Variants in MALRD1 observed in about 807,000 individuals in gnomAD.
MALRD1 encodes the protein MAM and LDL-receptor class A domain-containing protein 1.
In MALRD1, 247 loss-of-function variants were observed where a neutral mutation model predicts 242.1. That is an observed-to-expected ratio of 1.02 (90% CI 0.92 to 1.13). MALRD1 has a LOEUF of 1.13. Among genes scored for constraint, MALRD1 ranks in the 50% most tolerant of loss-of-function variants. The pLI is 0.00. For missense variants in MALRD1, 2,989 were observed against 2,533.1 expected (o/e 1.18, Z -3.86); for synonymous variants, 995 against 866.6 (o/e 1.15, Z -2.60).
chr10:19,290,814 A>G (rs950198051), intron 21 of MALRD1, among the ~76,000 whole-genome samples: 1 of 152,168 alleles, frequency 6.6e-6, no homozygotes, highest in African/African-American at 2.4e-5. Context: ...TATAGTTCAC[A>G]TTTAAATATA....
chr10:19,582,139 T>C (rs2131511169), intron 33 of MALRD1, among the ~76,000 whole-genome samples: 1 of 152,112 alleles, frequency 6.6e-6, no homozygotes, highest in Admixed American at 6.5e-5. Flanking sequence ...GTCAGATGAG[T>C]AGGTTGCAAA....
intron 34 of MALRD1, among the ~76,000 whole-genome samples, chr10:19,606,997 T>A (rs964335919): frequency 3.9e-5 from 6 of 152,138 alleles, no homozygotes; most frequent in African/African-American, 9.6e-5. Flanking sequence ...TCACGTTGTA[T>A]ACAGAAAGGT....
intron 21 of MALRD1, among the ~76,000 whole-genome samples, chr10:19,286,991 C>T (rs1841158953): frequency 6.6e-6 from 1 of 151,716 alleles, no homozygotes; most frequent in African/African-American, 2.4e-5. Context: ...TGGGCTTCAT[C>T]CCTGGGATGC....
At chr10:19,256,970 TA>T (rs1310899233) in intron 18 of MALRD1, among the ~76,000 whole-genome samples, 2 of 152,244 alleles carry the variant, frequency 1.3e-5, no homozygotes, top group East Asian at 3.9e-4. Flanking sequence ...GCATAAGTAT[TA>T]AAATAATTCA....
At position 19,273,927 on chromosome 10, in the gene MALRD1, T is replaced by C. The variant is rs185488228; in HGVS notation, c.3080-6120T>C. On this transcript the variant is annotated intron_variant, in intron 19 of 39. Transcript: ENST00000454679. ...AGGAAAATGGAAATCAAAACCACAA[T>C]GAGACATCACCTCATACCCATTAGG... Among the ~76,000 whole-genome samples the C allele has an allele frequency of 4.0e-4, 61 of 152,226 alleles. 1 individual carries two copies. The South Asian group carries it at 0.011, about 27-fold the overall frequency.
rs144880931 is a variant in MALRD1, at chr10:19,730,833, A to AAC, written c.6390+68_6390+69dup. On this transcript the variant is annotated intron_variant, in intron 39 of 39. Coordinates refer to ENST00000454679, the MANE Select transcript of MALRD1 (RefSeq NM_001142308.3). ...TTTCACACATATGCACACACATACA[A>AAC]ACACACACACACACACAGGCTGAAC... 1.8e-3 allele frequency: 2,491 copies of AAC among 1,360,914 alleles called. 10 individuals are homozygous for AAC. The highest frequency in any genetic ancestry group is 0.014 in the African/African-American group (966 of 69,140). The allele number at this position is 1,360,914 out of a possible 1,614,324, so 84.3% of individuals were successfully genotyped here.
In MALRD1 at chr10:19,475,317, A is replaced by C. The variant is rs565978916; in HGVS notation, c.5030-16200A>C. ...GTAGTCCCAGCTACTCTGGAGGCTG[A>C]GGCAGGAGAATGGTGTGAACCCAGG... On this transcript the variant is annotated intron_variant, in intron 29 of 39. Coordinates refer to ENST00000454679, the MANE Select transcript of MALRD1 (RefSeq NM_001142308.3). Among the ~76,000 whole-genome samples, 3 of 152,320 alleles carry C rather than the reference A, an allele frequency of 2.0e-5. No individual in the cohort carries two copies. In the South Asian group the frequency reaches 6.2e-4, roughly 32 times the overall value.
At chr10:19,719,980 A>G (rs770645413) in intron 38 of MALRD1, among the ~76,000 whole-genome samples, 8 of 152,140 alleles carry the variant, frequency 5.3e-5, no homozygotes, top group African/African-American at 1.4e-4. Flanking sequence ...TGTACACTCA[A>G]TGAGAATAGG....
intron 26 of MALRD1, among the ~76,000 whole-genome samples, chr10:19,368,312 C>G (rs1030859283): frequency 6.6e-5 from 10 of 151,924 alleles, no homozygotes; most frequent in Non-Finnish European, 1.5e-4. Context: ...AGGCGGGGGC[C>G]TAGTTTCCTT....
intron 18 of MALRD1, among the ~76,000 whole-genome samples, chr10:19,242,188 T>C (rs547426618): frequency 1.3e-5 from 2 of 152,230 alleles, no homozygotes; most frequent in African/African-American, 4.8e-5. Flanking sequence ...ACATCTTACA[T>C]GGTAGCAAAC....
intron 38 of MALRD1, among the ~76,000 whole-genome samples, chr10:19,730,398 G>A (rs1023392505): frequency 6.6e-6 from 1 of 152,056 alleles, no homozygotes; most frequent in African/African-American, 2.4e-5. Context: ...TGGACACTTT[G>A]CACTGAGTAA....
intron 7 of MALRD1, 137 bp downstream of exon 7, chr10:19,124,807 C>A: frequency 1.5e-6 from 1 of 679,626 alleles, no homozygotes; most frequent in Non-Finnish European, 2.1e-6. Context: ...GCCAAAGGAG[C>A]TGAAGGTGAA....
intron 19 of MALRD1, among the ~76,000 whole-genome samples, chr10:19,265,331 T>C (rs1839927845): frequency 2.7e-5 from 4 of 149,938 alleles, no homozygotes; most frequent in African/African-American, 1.0e-4. Flanking sequence ...GTTTTTTTTA[T>C]TTCTGAATTT....
intron 28 of MALRD1, among the ~76,000 whole-genome samples, chr10:19,442,209 C>T (rs1413998355): frequency 2.6e-5 from 4 of 152,150 alleles, no homozygotes; most frequent in Non-Finnish European, 1.5e-5. Flanking sequence ...GCTGAAGTTG[C>T]TTATCAGCTT....
At chr10:19,442,924 A>T (rs1834751453) in intron 28 of MALRD1, among the ~76,000 whole-genome samples, 1 of 152,202 alleles carries the variant, frequency 6.6e-6, no homozygotes, top group East Asian at 1.9e-4. Flanking sequence ...CTCTGGTAGA[A>T]TTAGGCTGTG....
intron 31 of MALRD1, among the ~76,000 whole-genome samples, chr10:19,526,133 G>T (rs984151014): frequency 6.6e-6 from 1 of 152,000 alleles, no homozygotes; most frequent in Admixed American, 6.6e-5. Context: ...CAAGGATTTT[G>T]CTAGATATAA....
intron 13 of MALRD1, among the ~76,000 whole-genome samples, chr10:19,169,752 C>G (rs1422745222): frequency 1.3e-5 from 2 of 152,144 alleles, no homozygotes; most frequent in East Asian, 3.9e-4. Context: ...AATAGTTAAT[C>G]TAGCTTTTTA....
chr10:19,584,140 G>A (rs1305107078), intron 33 of MALRD1, among the ~76,000 whole-genome samples: 21 of 150,154 alleles, frequency 1.4e-4, no homozygotes, highest in African/African-American at 5.1e-4. Context: ...TCTTGCTAGC[G>A]GTCTATCAAT....
chr10:19,617,824 A>G (rs1440481870), intron 36 of MALRD1, among the ~76,000 whole-genome samples: 3 of 152,078 alleles, frequency 2.0e-5, no homozygotes, highest in Admixed American at 1.3e-4. Flanking sequence ...TTACTTATGT[A>G]ACAAACCTAC....
Sources: gnomAD v4.1 joint callset for allele counts (sites outside exome capture counted in the v4.1 genomes callset) on GRCh38, gnomAD v4.1.1 for gene constraint, MANE v1.5 for transcripts, NCBI Gene and HGNC (gene_info 2026-07-23, HGNC 2026-07-21) for gene names.